Variants in GLCCI1 observed in about 807,000 individuals in gnomAD.
GLCCI1 encodes glucocorticoid induced 1.
A neutral mutation model predicts 52.2 loss-of-function variants in GLCCI1; 24 were observed. That is an observed-to-expected ratio of 0.46 (90% CI 0.33 to 0.65). The LOEUF (loss-of-function observed/expected upper bound fraction) is 0.65. Ranked by LOEUF, GLCCI1 falls within the 30% of genes least tolerant of loss-of-function variation. The pLI is 0.02. For synonymous variants in GLCCI1, 310 were observed against 276.5 expected (o/e 1.12, Z -1.20); for missense variants, 704 against 701.5 (o/e 1.00, Z -0.04).
chr7:7,969,815 G>A lies in GLCCI1; in HGVS notation c.457+8G>A. The A allele has an allele frequency of 2.1e-6, 3 of 1,451,070 alleles. No individual in the cohort carries two copies. The highest frequency in any genetic ancestry group is 1.3e-5 in the South Asian group (1 of 79,044). The allele number at this position is 1,451,070 out of a possible 1,614,324, so 89.9% of individuals were successfully genotyped here. A position where few individuals can be genotyped will look rare whatever the true frequency, so the allele number is the denominator to read the frequency against. On this transcript the variant is annotated splice_region_variant and intron_variant, in intron 1 of 7. Coordinates refer to ENST00000223145, the MANE Select transcript of GLCCI1 (RefSeq NM_138426.4). This position sits in a 1 kb window ranked among gnomAD's most constrained non-coding sequence, Gnocchi z 4.9. ...GCTCGCCCGTGTGCAGAGGTAGCGAGCCCAACCCTCCCGTCCTCCCGGGCT... is the reference window on the plus strand; with the variant it reads ...GCTCGCCCGTGTGCAGAGGTAGCGAACCCAACCCTCCCGTCCTCCCGGGCT...
chr7:7,988,514 C>A (rs1048566601), intron 1 of GLCCI1, among the ~76,000 whole-genome samples: 2 of 151,804 alleles, frequency 1.3e-5, no homozygotes, highest in African/African-American at 4.8e-5. Context: ...TTTTGAAGTA[C>A]TTTTTTTTAA....
intron 6 of GLCCI1, among the ~76,000 whole-genome samples, chr7:8,077,280 G>C (rs1782894682): frequency 6.6e-6 from 1 of 152,146 alleles, no homozygotes; most frequent in African/African-American, 2.4e-5. Context: ...TCAACTCATA[G>C]GGACCACTCC....
At chr7:8,032,374 A>G (rs1781773454) in intron 3 of GLCCI1, among the ~76,000 whole-genome samples, 2 of 152,078 alleles carry the variant, frequency 1.3e-5, no homozygotes, top group Non-Finnish European at 2.9e-5. Flanking sequence ...AAAGCAAATC[A>G]GAGCAAAAAC....
intron 2 of GLCCI1, among the ~76,000 whole-genome samples, chr7:8,004,512 G>T (rs564224706): frequency 6.6e-6 from 1 of 152,200 alleles, no homozygotes; most frequent in East Asian, 1.9e-4. Flanking sequence ...GAAATTAACT[G>T]TCTCATTTTC....
At chr7:8,029,407 C>G (rs1239256373) in intron 3 of GLCCI1, among the ~76,000 whole-genome samples, 1 of 152,170 alleles carries the variant, frequency 6.6e-6, no homozygotes, top group Middle Eastern at 3.4e-3. Context: ...CTCTTCATGT[C>G]AAAAACCCTC....
intron 6 of GLCCI1, among the ~76,000 whole-genome samples, chr7:8,081,268 A>C (rs1782988535): frequency 6.6e-6 from 1 of 152,222 alleles, no homozygotes; most frequent in Non-Finnish European, 1.5e-5. Context: ...AATGAGGTCT[A>C]GACATTGATC....
intron 3 of GLCCI1, among the ~76,000 whole-genome samples, chr7:8,023,141 G>C (rs927336115): frequency 2.0e-5 from 3 of 152,034 alleles, no homozygotes; most frequent in African/African-American, 7.2e-5. Context: ...TCAGCCTCCC[G>C]AGTAGCTGGG....
intron 3 of GLCCI1, among the ~76,000 whole-genome samples, chr7:8,039,023 C>T (rs1030934014): frequency 2.6e-5 from 4 of 151,986 alleles, no homozygotes; most frequent in African/African-American, 7.3e-5. Context: ...CTCAGTATCA[C>T]TAATTATCAG....
chr7:8,050,571 G>A (rs1238116583), intron 3 of GLCCI1, among the ~76,000 whole-genome samples: 3 of 152,218 alleles, frequency 2.0e-5, no homozygotes, highest in African/African-American at 7.2e-5. Context: ...TGAGATTCAT[G>A]ATTTTTCAAA....
At chr7:7,999,451 T>C (rs2115423240) in intron 1 of GLCCI1, among the ~76,000 whole-genome samples, 1 of 151,576 alleles carries the variant, frequency 6.6e-6, no homozygotes, top group Middle Eastern at 3.4e-3. Context: ...CCATAAAAAA[T>C]TTAAAAATTA....
At chr7:8,002,891 G>A (rs1248843060) in intron 1 of GLCCI1, among the ~76,000 whole-genome samples, 2 of 152,186 alleles carry the variant, frequency 1.3e-5, no homozygotes, top group Non-Finnish European at 1.5e-5. Context: ...GGAAGGAGAA[G>A]TATCATAGTT....
In GLCCI1 at chr7:8,086,423, C is replaced by G; in HGVS notation, c.1529C>G (p.Thr510Ser). ...TCCTTTACGTCTCTTTCTGATGACA[C>G]CAGCACAGCGGGCTCCATGGAGGCC... is the stretch of plus-strand genomic sequence containing the variant. ...RVSFTSLSDD[T>S]STAGSMEASV... is the part of the protein sequence containing the mutation. Residue 510 changes from threonine to serine, a missense_variant, in exon 8 of 8, where the codon ACC (threonine) becomes AGC (serine). Transcript: ENST00000223145. This position sits in a 1 kb window ranked among gnomAD's most constrained non-coding sequence, Gnocchi z 4.4. 3 of 1,614,164 alleles carry G rather than the reference C, an allele frequency of 1.9e-6. No homozygotes were observed. The highest frequency in any genetic ancestry group is 2.5e-6 in the Non-Finnish European group (3 of 1,180,032).
At chr7:8,078,820 AT>A (rs1181759576) in intron 6 of GLCCI1, 1 of 152,250 alleles carries the variant, frequency 6.6e-6, no homozygotes, top group Non-Finnish European at 1.5e-5. Flanking sequence ...TGTGGAAACG[AT>A]TACCATCATT....
At chr7:8,063,785 A>AT (rs973067860) in intron 5 of GLCCI1, among the ~76,000 whole-genome samples, 59 of 147,866 alleles carry the variant, frequency 4.0e-4, no homozygotes, top group Non-Finnish European at 5.0e-4. Context: ...CAGCCAGCTG[A>AT]TTTTTTTTTT....
At chr7:8,059,955 T>C (rs1782477786) in intron 4 of GLCCI1, 141 bp from the exon 5 acceptor site, 2 of 656,618 alleles carry the variant, frequency 3.0e-6, no homozygotes, top group South Asian at 4.8e-5. Flanking sequence ...AATTTCTATA[T>C]GTGCACCTGA....
chr7:8,079,152 AG>A (rs1332692919), intron 6 of GLCCI1, among the ~76,000 whole-genome samples: 1 of 152,174 alleles, frequency 6.6e-6, no homozygotes, highest in East Asian at 1.9e-4. Flanking sequence ...TAAAGATAAA[AG>A]GTAAATATGT....
At chr7:8,059,205 A>G (rs1782463693) in intron 4 of GLCCI1, among the ~76,000 whole-genome samples, 1 of 152,224 alleles carries the variant, frequency 6.6e-6, no homozygotes, top group African/African-American at 2.4e-5. Context: ...TAATATATGA[A>G]AAAGAGTTAA....
chr7:7,985,680 T>C (rs7800750), intron 1 of GLCCI1, among the ~76,000 whole-genome samples: 5,752 of 152,312 alleles, frequency 0.038, 203 homozygotes, highest in East Asian at 0.13. Flanking sequence ...CTGAACTGTT[T>C]ACCTCAGAGT....
Position 7,969,010 on chromosome 7 carries a change from C to T in GLCCI1, c.-341C>T. The T allele has an allele frequency of 6.2e-6, 1 of 160,430 alleles. No homozygotes were observed. The allele number at this position is 160,430 out of a possible 1,614,324, so 9.9% of individuals were successfully genotyped here. On this transcript the variant is annotated 5_prime_UTR_variant, in exon 1 of 8. Transcript: ENST00000223145. The surrounding 1 kb of genome is among the most constrained non-coding windows in gnomAD (Gnocchi z 4.9). ...AGAAGGCTGCGAGCGGCCCTCGGGG[C>T]TGCGTGATCCGGGCCGTTGCCCTGT...
Sources: allele counts gnomAD v4.1 joint callset (sites outside exome capture counted in the v4.1 genomes callset), GRCh38; gene constraint gnomAD v4.1.1; non-coding constraint Gnocchi (gnomAD v3.1); transcripts MANE v1.5; gene names NCBI Gene and HGNC (gene_info 2026-07-23, HGNC 2026-07-21).